Variants in HEATR4 observed in about 807,000 individuals in gnomAD.
HEATR4 encodes HEAT repeat containing 4, also known as HEAT repeat-containing protein 4.
HEATR4 carries 95 observed loss-of-function variants against 108.8 expected under a neutral mutation model. The observed-to-expected ratio is 0.87, with a 90% CI of 0.74 to 1.04. The LOEUF (loss-of-function observed/expected upper bound fraction) is 1.04, where lower values mean the gene tolerates loss of function less well. HEATR4 is among the 50% of genes least tolerant of loss of function. HEATR4 has a pLI of 0.00. For missense variants in HEATR4, 1,152 were observed against 1,253.8 expected (o/e 0.92, Z 1.23); for synonymous variants, 443 against 459.4 (o/e 0.96, Z 0.46).
chr14:73,493,249 C>A, intron 16 of HEATR4, 125 bp from the exon 17 acceptor site: 1 of 730,634 alleles, frequency 1.4e-6, no homozygotes, highest in South Asian at 1.8e-5. Flanking sequence ...CCATGTCGTT[C>A]TGCTTGAGAC....
chr14:73,496,997 G>A (rs1254657361), intron 14 of HEATR4, among the ~76,000 whole-genome samples: 3 of 152,198 alleles, frequency 2.0e-5, no homozygotes, highest in Non-Finnish European at 4.4e-5. Flanking sequence ...CCAGGTTCAA[G>A]CGATTCTCCT....
the HEATR4 span, among the ~76,000 whole-genome samples, chr14:73,605,556 C>CTTTTTTTTT: frequency 1.0e-3 from 59 of 56,918 alleles, 4 homozygotes; most frequent in Middle Eastern, 0.016. Flanking sequence ...CTGTAAGATT[C>CTTTTTTTTT]TTTTTTTTTT....
intron 16 of HEATR4, among the ~76,000 whole-genome samples, chr14:73,494,381 C>T (rs1380293772): frequency 1.3e-5 from 2 of 152,104 alleles, no homozygotes; most frequent in African/African-American, 4.8e-5. Flanking sequence ...ATTTAGGTTG[C>T]GTCTGGGACT....
chr14:73,615,415 CAA>C, the HEATR4 span, among the ~76,000 whole-genome samples: 2 of 55,074 alleles, frequency 3.6e-5, no homozygotes, highest in Non-Finnish European at 7.2e-5. Context: ...AAACAAAAAA[CAA>C]AAAAAACCAG....
the HEATR4 span, chr14:73,569,241 A>G: frequency 2.5e-6 from 4 of 1,612,978 alleles, no homozygotes; most frequent in South Asian, 4.4e-5. Context: ...GCCCGAGAGG[A>G]TGTCTAACAA....
chr14:73,612,863 G>A, the HEATR4 span: 15 of 1,406,468 alleles, frequency 1.1e-5, no homozygotes, highest in Admixed American at 2.4e-5. Context: ...GAAGCGCGAC[G>A]TGCGGACGCC....
the HEATR4 span, among the ~76,000 whole-genome samples, chr14:73,594,783 C>T: frequency 6.6e-6 from 1 of 152,172 alleles, no homozygotes; most frequent in Non-Finnish European, 1.5e-5. Context: ...TCACTGCAAC[C>T]TCCGCCTCCT....
the HEATR4 span, among the ~76,000 whole-genome samples, chr14:73,570,628 G>T: frequency 2.0e-5 from 3 of 151,812 alleles, no homozygotes; most frequent in Non-Finnish European, 1.5e-5. Flanking sequence ...AAACAGGCCG[G>T]GCGCGGTGGC....
At chr14:73,483,662 T>C (rs1321611609) in intron 17 of HEATR4, among the ~76,000 whole-genome samples, 1 of 152,210 alleles carries the variant, frequency 6.6e-6, no homozygotes, top group Non-Finnish European at 1.5e-5. Context: ...GATGTAATTT[T>C]AATTTTAAAG....
the HEATR4 span, among the ~76,000 whole-genome samples, chr14:73,629,403 T>C: frequency 2.0e-5 from 3 of 152,212 alleles, no homozygotes; most frequent in Admixed American, 1.3e-4. Context: ...CAGGTATCCC[T>C]GTATTAACAA....
the HEATR4 span, among the ~76,000 whole-genome samples, chr14:73,609,148 T>C: frequency 3.9e-5 from 6 of 152,188 alleles, no homozygotes. Flanking sequence ...ATATTGATTG[T>C]ATGGGGGAGA....
the HEATR4 span, among the ~76,000 whole-genome samples, chr14:73,629,766 TC>T: frequency 1.2e-4 from 18 of 151,790 alleles, no homozygotes. Flanking sequence ...TGCCTCAGCC[TC>T]CCAAGTAGCT....
At chr14:73,529,006 TAGAACCA>T (rs1888534114) in intron 2 of HEATR4, 1 of 152,152 alleles carries the variant, frequency 6.6e-6, no homozygotes, top group Non-Finnish European at 1.5e-5. Flanking sequence ...AATAGCCCTC[TAGAACCA>T]AAAGCAGAGT....
intron 17 of HEATR4, among the ~76,000 whole-genome samples, chr14:73,485,421 G>A (rs1442858115): frequency 3.5e-5 from 4 of 114,496 alleles, no homozygotes; most frequent in East Asian, 2.4e-4. Flanking sequence ...TTTTTTTTTC[G>A]AGACAGGGTT....
chr14:73,629,831 T>C, the HEATR4 span, among the ~76,000 whole-genome samples: 1 of 151,868 alleles, frequency 6.6e-6, no homozygotes, highest in African/African-American at 2.4e-5. Flanking sequence ...ATTTTTTTAG[T>C]AGAGACGGGG....
chr14:73,569,971 C>CG, the HEATR4 span: 3 of 1,395,266 alleles, frequency 2.2e-6, no homozygotes, highest in East Asian at 2.7e-5. Context: ...TATGTGTATG[C>CG]CCCCCCGCCG....
Position 73,555,706 on chromosome 14 carries a change from C to A in HEATR4, c.-152+3045G>T, listed in dbSNP as rs1344076046. 7.8e-5 allele frequency among the ~76,000 whole-genome samples: 9 copies of A among 115,652 alleles called. 4 individuals carry two copies. The highest frequency in any genetic ancestry group is 1.7e-4 in the Non-Finnish European group (9 of 52,384). The allele number at this position is 115,652 out of a possible 152,430, so 75.9% of individuals were successfully genotyped here. On this transcript the variant is annotated intron_variant, in intron 1 of 17. Coordinates refer to ENST00000553558, the MANE Select transcript of HEATR4 (RefSeq NM_001220484.1). ...ACTCATTTCATCCCCAGATGACTAC[C>A]TATAAGGAGTGATTGGCTAGGTGGG...
At chr14:73,597,850 C>T in the HEATR4 span, among the ~76,000 whole-genome samples, 1 of 151,430 alleles carries the variant, frequency 6.6e-6, no homozygotes, top group Non-Finnish European at 1.5e-5. Flanking sequence ...CCTCGGCTTC[C>T]CAAAGTGCTG....
intron 9 of HEATR4, among the ~76,000 whole-genome samples, chr14:73,507,788 G>C (rs899361680): frequency 1.3e-4 from 19 of 152,000 alleles, no homozygotes; most frequent in South Asian, 2.1e-4. Flanking sequence ...TGTCACCTAG[G>C]CTGGAGTGTA....
Sources: gnomAD v4.1 joint callset for allele counts (sites outside exome capture counted in the v4.1 genomes callset) on GRCh38, gnomAD v4.1.1 for gene constraint, MANE v1.5 for transcripts, NCBI Gene and HGNC (gene_info 2026-07-23, HGNC 2026-07-21) for gene names.